The following PRKCE variants were observed in gnomAD, a reference collection of about 807,000 sequenced individuals.
The protein encoded by PRKCE is protein kinase C epsilon, also known as protein kinase C epsilon type.
A neutral mutation model predicts 85.4 loss-of-function variants in PRKCE; 16 were observed. The observed-to-expected ratio is 0.19, with a 90% CI of 0.13 to 0.28. The LOEUF is 0.28. Ranked by LOEUF, PRKCE falls within the 10% of genes least tolerant of loss-of-function variation. PRKCE has a pLI of 1.00. For missense variants in PRKCE, 573 were observed against 975.2 expected, an observed-to-expected ratio of 0.59 and a Z score of 5.49; for synonymous variants, 388 against 371.5, an observed-to-expected ratio of 1.04 and a Z score of -0.51.
At chr2:46,109,859 G>A (rs1219043822) in intron 11 of PRKCE, among the ~76,000 whole-genome samples, 2 of 152,036 alleles carry the variant, frequency 1.3e-5, no homozygotes, top group Non-Finnish European at 2.9e-5. Flanking sequence ...TCCCTACCAA[G>A]TTCAGAAAAT....
intron 1 of PRKCE, among the ~76,000 whole-genome samples, chr2:45,706,309 T>C (rs1032369397): frequency 6.6e-6 from 1 of 152,150 alleles, no homozygotes; most frequent in East Asian, 1.9e-4. Context: ...AAAACTTTTT[T>C]CCCTCCTTCC....
At chr2:45,886,234 C>T (rs957324734) in intron 2 of PRKCE, among the ~76,000 whole-genome samples, 3 of 152,204 alleles carry the variant, frequency 2.0e-5, no homozygotes, top group Non-Finnish European at 4.4e-5. Flanking sequence ...GCTCTGGCTC[C>T]AGGTGACTCT....
intron 1 of PRKCE, among the ~76,000 whole-genome samples, chr2:45,835,765 TC>T (rs1409627033): frequency 2.0e-5 from 3 of 152,062 alleles, no homozygotes; most frequent in Non-Finnish European, 4.4e-5. Context: ...TATTTTTTTT[TC>T]TTATTTTTTG....
intron 1 of PRKCE, among the ~76,000 whole-genome samples, chr2:45,807,970 G>A (rs1558694408): frequency 1.3e-5 from 2 of 151,992 alleles, no homozygotes; most frequent in East Asian, 1.9e-4. Flanking sequence ...TCCCTCCCTT[G>A]CTGTGCCACC....
At chr2:45,737,820 A>G (rs1682211097) in intron 1 of PRKCE, among the ~76,000 whole-genome samples, 1 of 152,074 alleles carries the variant, frequency 6.6e-6, no homozygotes, top group Non-Finnish European at 1.5e-5. Context: ...ACTTGCGTAC[A>G]TTGCCAAGTG....
chr2:45,784,327 T>C (rs192224156), intron 1 of PRKCE, among the ~76,000 whole-genome samples: 2 of 152,320 alleles, frequency 1.3e-5, no homozygotes, highest in Admixed American at 6.5e-5. Flanking sequence ...GAGGGCCACT[T>C]GCGGGTGAGG....
intron 10 of PRKCE, among the ~76,000 whole-genome samples, chr2:46,065,900 C>T (rs1332253646): frequency 2.0e-5 from 3 of 152,190 alleles, no homozygotes; most frequent in African/African-American, 4.8e-5. Flanking sequence ...GAAGCTAACC[C>T]ACTCTTGCCT....
At chr2:45,868,172 C>G (rs1239776797) in intron 2 of PRKCE, among the ~76,000 whole-genome samples, 1 of 145,870 alleles carries the variant, frequency 6.9e-6, no homozygotes, top group Admixed American at 6.9e-5. Flanking sequence ...AACAAACAAA[C>G]AAAAACACCC....
At chr2:45,740,240 C>A (rs571356233) in intron 1 of PRKCE, among the ~76,000 whole-genome samples, 1 of 152,254 alleles carries the variant, frequency 6.6e-6, no homozygotes, top group East Asian at 1.9e-4. Context: ...CACTATCTGA[C>A]TGGAGCAGTG....
chr2:45,708,232 C>A (rs1292842941), intron 1 of PRKCE, among the ~76,000 whole-genome samples: 2 of 152,230 alleles, frequency 1.3e-5, no homozygotes, highest in African/African-American at 2.4e-5. Flanking sequence ...TGCCACAGAA[C>A]AAAGCTGTGA....
At chr2:46,010,559 C>G (rs766985789) in intron 10 of PRKCE, 42 bp downstream of exon 10, 173 of 1,597,734 alleles carry the variant, frequency 1.1e-4, no homozygotes, top group Middle Eastern at 3.3e-4. Flanking sequence ...GTTGGGGCAT[C>G]TTGACTATCA....
intron 1 of PRKCE, among the ~76,000 whole-genome samples, chr2:45,719,064 A>C (rs971637800): frequency 6.6e-6 from 1 of 152,216 alleles, no homozygotes; most frequent in Non-Finnish European, 1.5e-5. Flanking sequence ...TTTTCTTCAC[A>C]ATGTAAAGTG....
At chr2:46,178,492 G>A (rs1030575328) in intron 14 of PRKCE, among the ~76,000 whole-genome samples, 9 of 152,218 alleles carry the variant, frequency 5.9e-5, no homozygotes, top group Admixed American at 5.9e-4. Context: ...AGGGCACTAT[G>A]CAGTGATACC....
At chr2:45,925,753 A>C (rs1698569505) in intron 2 of PRKCE, among the ~76,000 whole-genome samples, 1 of 152,222 alleles carries the variant, frequency 6.6e-6, no homozygotes, top group African/African-American at 2.4e-5. Flanking sequence ...GCTGACTTCT[A>C]TTAGGACTCT....
At chr2:46,154,716 G>A (rs1434846756) in intron 13 of PRKCE, among the ~76,000 whole-genome samples, 2 of 150,006 alleles carry the variant, frequency 1.3e-5, no homozygotes, top group Non-Finnish European at 3.0e-5. Flanking sequence ...TGACTCAGTA[G>A]CATTTTCTCA....
chr2:45,915,273 C>T (rs1697680777), intron 2 of PRKCE, among the ~76,000 whole-genome samples: 1 of 152,184 alleles, frequency 6.6e-6, no homozygotes. Context: ...GTAAGGCATG[C>T]TGTTCTTTCA....
chr2:45,783,037 C>T (rs965663363), intron 1 of PRKCE, among the ~76,000 whole-genome samples: 1 of 152,132 alleles, frequency 6.6e-6, no homozygotes, highest in African/African-American at 2.4e-5. Context: ...TTTTCATGCG[C>T]CTTCCCCGTC....
intron 1 of PRKCE, among the ~76,000 whole-genome samples, chr2:45,754,356 A>T (rs1344167030): frequency 6.6e-6 from 1 of 152,242 alleles, no homozygotes; most frequent in East Asian, 1.9e-4. Flanking sequence ...GAATATGTTT[A>T]CAGAACAGAT....
At chr2:46,064,271 A>C (rs957236428) in intron 10 of PRKCE, among the ~76,000 whole-genome samples, 1 of 132,330 alleles carries the variant, frequency 7.6e-6, no homozygotes, top group African/African-American at 3.0e-5. Context: ...ACAGAGTGAG[A>C]CTCTGTCTCA....
Sources: gnomAD v4.1 joint callset for allele counts (sites outside exome capture counted in the v4.1 genomes callset) on GRCh38, gnomAD v4.1.1 for gene constraint, MANE v1.5 for transcripts, NCBI Gene and HGNC (gene_info 2026-07-23, HGNC 2026-07-21) for gene names.